PDGFA: variants seen among roughly 807,000 people sequenced by gnomAD.
The protein encoded by PDGFA is platelet-derived growth factor subunit A.
PDGFA carries 9 observed loss-of-function variants against 25.6 expected under a neutral mutation model. That is an observed-to-expected ratio of 0.35 (90% CI 0.21 to 0.61). The LOEUF (loss-of-function observed/expected upper bound fraction) is 0.61, where lower values mean the gene tolerates loss of function less well. Ranked by LOEUF, PDGFA falls within the 20% of genes least tolerant of loss-of-function variation. The pLI is 0.75. For missense variants in PDGFA, 242 were observed against 272.8 expected (o/e 0.89, Z 0.79); for synonymous variants, 133 against 111.8 (o/e 1.19, Z -1.20).
intron 4 of PDGFA, among the ~76,000 whole-genome samples, chr7:505,210 C>T (rs554419811): frequency 4.6e-5 from 7 of 152,192 alleles, no homozygotes; most frequent in Non-Finnish European, 7.3e-5. Context: ...AGGACCCCCA[C>T]GGGGGGTACC....
intron 2 of PDGFA, among the ~76,000 whole-genome samples, chr7:515,729 T>C (rs1031192476): frequency 3.2e-4 from 48 of 151,960 alleles, no homozygotes; most frequent in Non-Finnish European, 5.4e-4. Context: ...GCAGAGGGAA[T>C]TTGAAACCGG....
intron 2 of PDGFA, chr7:513,068 C>G (rs960316767): frequency 1.2e-5 from 2 of 168,080 alleles, no homozygotes; most frequent in Admixed American, 1.1e-4. Context: ...TGAGTCTACT[C>G]TAGGGCCAGC....
rs534799978 is a variant in PDGFA at position 512,239 on chromosome 7, G to T, written c.265+112C>A. ...AACGGGTGGCTTGCCTGAGGCCACTGCGCTGGGAGAGCGGGCAGCTCCTCC... is the reference window on the plus strand; with the variant it reads ...AACGGGTGGCTTGCCTGAGGCCACTTCGCTGGGAGAGCGGGCAGCTCCTCC... On this transcript the variant is annotated intron_variant, in intron 3 of 5. Transcript: ENST00000402802. The T allele has an allele frequency of 2.9e-6, 3 of 1,036,452 alleles. No homozygotes were observed. The South Asian group carries it at 4.7e-5, about 16-fold the overall frequency. The allele number at this position is 1,036,452 out of a possible 1,614,324, so 64.2% of individuals were successfully genotyped here.
chr7:508,389 G>C (rs996297966), intron 4 of PDGFA, among the ~76,000 whole-genome samples: 5 of 151,576 alleles, frequency 3.3e-5, no homozygotes, highest in Admixed American at 2.0e-4. Context: ...AACACAGCGA[G>C]ATCCCCGACT....
At chr7:498,430 G>C in exon 6 of PDGFA, 1 of 805,912 alleles carries the variant, frequency 1.2e-6, no homozygotes, top group Non-Finnish European at 2.1e-6. Context: ...TTGTTCTCCC[G>C]AGTGTTCTCG....
In PDGFA at chr7:517,295, G is replaced by C. The variant is rs1344396439; in HGVS notation, c.160+99C>G. 2.7e-6 allele frequency: 1 copy of C among 376,018 alleles called. No individual in the cohort carries two copies. Among genetic ancestry groups the C allele is most frequent in the Non-Finnish European group, 4.4e-6 (1 of 227,386 alleles). 23.3% of individuals were successfully genotyped at this position (376,018 alleles called of 1,614,324 possible). ...GCTGGGGATTGGATTCTGACCTTTCGGTGCGCTCCTGCGCGGCGCCCCGCC... is the reference window on the plus strand; with the variant it reads ...GCTGGGGATTGGATTCTGACCTTTCCGTGCGCTCCTGCGCGGCGCCCCGCC... On this transcript the variant is annotated intron_variant, in intron 2 of 5. Transcript: ENST00000402802. This position sits in a 1 kb window ranked among gnomAD's most constrained non-coding sequence, Gnocchi z 7.4.
At chr7:509,976 G>C (rs1222883736) in intron 4 of PDGFA, among the ~76,000 whole-genome samples, 1 of 152,100 alleles carries the variant, frequency 6.6e-6, no homozygotes, top group Non-Finnish European at 1.5e-5. Flanking sequence ...GCTTTAGGGG[G>C]GAAGCCGGGG....
chr7:501,285 G>C, intron 4 of PDGFA, 43 bp from the exon 5 acceptor site: 9 of 1,611,014 alleles, frequency 5.6e-6, no homozygotes, highest in African/African-American at 1.3e-5. Context: ...CCTGCATGGA[G>C]CTTCGGACAT....
chr7:497,954 AAAAACAAAAAAAAAAAAAACAAAAC>A (rs1782145688), exon 6 of PDGFA: 1 of 116,264 alleles, frequency 8.6e-6, no homozygotes, highest in African/African-American at 3.2e-5. Flanking sequence ...AAAAAAAAAA[AAAAACAAAAAAAAAAAAAACAAAAC>A]AAAAACAAAA....
intron 4 of PDGFA, among the ~76,000 whole-genome samples, chr7:508,163 G>A (rs9690350): frequency 4.0e-5 from 6 of 151,784 alleles, no homozygotes; most frequent in South Asian, 2.1e-4. Flanking sequence ...CCTTCTCCCC[G>A]CCGCCCCATC....
chr7:512,287 T>C (rs1471123884), intron 3 of PDGFA, 64 bp downstream of exon 3: 18 of 1,368,500 alleles, frequency 1.3e-5, no homozygotes, highest in Admixed American at 1.9e-5. Flanking sequence ...GCCCTGCCCA[T>C]CGCGGCCTCC....
intron 4 of PDGFA, among the ~76,000 whole-genome samples, chr7:508,559 C>CAAAAAAAAAAAAAAAAAAA (rs766165770): frequency 2.8e-5 from 1 of 35,664 alleles, no homozygotes; most frequent in African/African-American, 1.1e-4. Context: ...GAAGCTGTCC[C>CAAAAAAAAAAAAAAAAAAA]AAAAAAAAAA....
At chr7:501,855 C>T (rs367640851) in intron 4 of PDGFA, among the ~76,000 whole-genome samples, 7 of 152,134 alleles carry the variant, frequency 4.6e-5, no homozygotes, top group African/African-American at 1.7e-4. Flanking sequence ...GTGCAGGTGG[C>T]CAGGGAAAGT....
intron 4 of PDGFA, among the ~76,000 whole-genome samples, chr7:505,447 G>A (rs529452965): frequency 1.3e-5 from 2 of 152,310 alleles, no homozygotes; most frequent in South Asian, 2.1e-4. Flanking sequence ...CTGGGATGCC[G>A]AGTCCCTACT....
In PDGFA at chr7:514,174, G is replaced by A. The variant is rs143739539; in HGVS notation, c.161-1719C>T. 3.3e-5 allele frequency among the ~76,000 whole-genome samples: 5 copies of A among 152,288 alleles called. No homozygotes were observed. The East Asian group carries it at 5.8e-4, about 18-fold the overall frequency. The stretch of plus-strand genomic sequence containing the variant: ...CCAATGACTTAGCTTCTGAGTGTGC[G>A]GTGGGTGCTATCACTTCTTCACATC... On this transcript the variant is annotated intron_variant, in intron 2 of 5. Coordinates refer to ENST00000402802, the Ensembl canonical transcript of PDGFA.
intron 4 of PDGFA, among the ~76,000 whole-genome samples, chr7:508,234 A>G (rs568496642): frequency 3.2e-4 from 48 of 152,152 alleles, no homozygotes; most frequent in African/African-American, 1.2e-3. Flanking sequence ...ATTCTTTTCT[A>G]AAGTTAAAGA....
chr7:516,988 G>T (rs985722131), intron 2 of PDGFA, among the ~76,000 whole-genome samples: 1 of 151,488 alleles, frequency 6.6e-6, no homozygotes, highest in East Asian at 2.0e-4. Flanking sequence ...ACCGGGAGCC[G>T]CGCCTGCCCT....
rs1783168611 is a variant in PDGFA at position 517,594 on chromosome 7, G to A, written c.64-104C>T. ...CGCCCCGGGCCCGAGGAGACCCCGC[G>A]AGCGCCGGCCGCAGTCCCCGCCCCA... On this transcript the variant is annotated intron_variant, in intron 1 of 5. Coordinates refer to ENST00000402802, the Ensembl canonical transcript of PDGFA. The surrounding 1 kb of genome is among the most constrained non-coding windows in gnomAD (Gnocchi z 7.4). The A allele has an allele frequency of 8.4e-6, 2 of 236,940 alleles. No individual in the cohort carries two copies. Among genetic ancestry groups the A allele is most frequent in the South Asian group, 1.4e-4 (1 of 7,254 alleles). 14.7% of individuals were successfully genotyped at this position (236,940 alleles called of 1,614,324 possible).
intron 3 of PDGFA, 57 bp downstream of exon 3, chr7:512,287 TCGCGGCC>T: frequency 1.5e-6 from 2 of 1,368,612 alleles, no homozygotes; most frequent in South Asian, 1.3e-5. Context: ...GCCCTGCCCA[TCGCGGCC>T]TCCTGGACTC....
Sources: gnomAD v4.1 joint callset for allele counts (sites outside exome capture counted in the v4.1 genomes callset) on GRCh38, gnomAD v4.1.1 for gene constraint, Gnocchi (gnomAD v3.1) non-coding constraint, MANE v1.5 for transcripts, NCBI Gene and HGNC (gene_info 2026-07-23, HGNC 2026-07-21) for gene names.